Variants in LARP1 observed in about 807,000 individuals in gnomAD.
The protein encoded by LARP1 is la-related protein 1.
Under a neutral mutation model 122.7 loss-of-function variants are expected in LARP1, and 36 were observed. The observed-to-expected ratio is 0.29, with a 90% CI of 0.22 to 0.39. The LOEUF (loss-of-function observed/expected upper bound fraction) is 0.39. LARP1 is among the 10% of genes least tolerant of loss of function. The probability of loss-of-function intolerance (pLI) is 1.00; values close to 1 mark genes in which losing one functional copy is unlikely to be tolerated. For synonymous variants in LARP1, 539 were observed against 528.7 expected, an observed-to-expected ratio of 1.02 and a Z score of -0.27; for missense variants, 1,040 against 1,403.6, an observed-to-expected ratio of 0.74 and a Z score of 4.14.
At chr5:154,779,990 G>A (rs186098190) in intron 1 of LARP1, among the ~76,000 whole-genome samples, 2 of 152,238 alleles carry the variant, frequency 1.3e-5, no homozygotes, top group East Asian at 1.9e-4. Context: ...GGAGCCTGTA[G>A]GCCATCCTGA....
At chr5:154,758,744 A>G (rs1006161829) in intron 1 of LARP1, among the ~76,000 whole-genome samples, 1 of 152,232 alleles carries the variant, frequency 6.6e-6, no homozygotes, top group Admixed American at 6.5e-5. Context: ...CTTGCTGTAA[A>G]TGCCTATTTT....
At chr5:154,767,324 CT>C (rs1283106583) in intron 1 of LARP1, among the ~76,000 whole-genome samples, 1 of 152,204 alleles carries the variant, frequency 6.6e-6, no homozygotes, top group Non-Finnish European at 1.5e-5. Context: ...GAATGTTCTT[CT>C]TTTGAGGCCC....
chr5:154,706,625 G>T (rs1478031804), intron 1 of LARP1, among the ~76,000 whole-genome samples: 1 of 151,514 alleles, frequency 6.6e-6, no homozygotes, highest in Non-Finnish European at 1.5e-5. Flanking sequence ...TGTTACATGG[G>T]TGATTAAATA....
At chr5:154,703,314 C>T (rs903155267) in intron 1 of LARP1, among the ~76,000 whole-genome samples, 5 of 152,072 alleles carry the variant, frequency 3.3e-5, no homozygotes, top group Admixed American at 2.6e-4. Flanking sequence ...GGACCTTATG[C>T]CAGTTGCCTT....
chr5:154,786,881 C>CT lies in LARP1; in HGVS notation c.437-3430dup, dbSNP rs111759565. On this transcript the variant is annotated intron_variant, in intron 1 of 18. Coordinates refer to ENST00000518297, the MANE Select transcript of LARP1 (RefSeq NM_033551.3). ...GGTCCCTTCATTCTATGATTGTTTT[C>CT]TTTTTTTTTTTTTTGGGATGGAATT... Among the ~76,000 whole-genome samples the CT allele has an allele frequency of 2.0e-3, 280 of 141,556 alleles. 1 individual carries two copies. The highest frequency in any genetic ancestry group is 5.3e-3 in the East Asian group (26 of 4,886). 92.9% of individuals were successfully genotyped at this position (141,556 alleles called of 152,430 possible).
At chr5:154,727,514 G>A (rs1582218715) in intron 1 of LARP1, among the ~76,000 whole-genome samples, 2 of 152,236 alleles carry the variant, frequency 1.3e-5, no homozygotes, top group South Asian at 4.1e-4. Context: ...GAGAATTGGG[G>A]TGGTATTGGT....
upstream of LARP1, among the ~76,000 whole-genome samples, chr5:154,755,065 AGC>A (rs1422757877): frequency 5.9e-5 from 9 of 151,822 alleles, no homozygotes; most frequent in East Asian, 1.8e-3. Flanking sequence ...TATCCCCGTC[AGC>A]GCCCCCACCG....
intron 8 of LARP1, among the ~76,000 whole-genome samples, chr5:154,796,218 A>G (rs1303576764): frequency 7.2e-6 from 1 of 139,630 alleles, no homozygotes; most frequent in Non-Finnish European, 1.5e-5. Context: ...TGAGAATCAG[A>G]ATCCAAATAA....
At chr5:154,704,342 T>A (rs972108219) in intron 1 of LARP1, among the ~76,000 whole-genome samples, 1 of 151,990 alleles carries the variant, frequency 6.6e-6, no homozygotes. Context: ...AGGTGGTGAG[T>A]GCTGGTCAAA....
chr5:154,758,503 A>G (rs78878792), intron 1 of LARP1, among the ~76,000 whole-genome samples: 12,169 of 152,212 alleles, frequency 0.08, 546 homozygotes, highest in Admixed American at 0.15. Context: ...AGAGAATTCT[A>G]TGATTGGGTT....
intron 1 of LARP1, among the ~76,000 whole-genome samples, chr5:154,740,179 G>T: frequency 6.6e-6 from 1 of 151,458 alleles, no homozygotes; most frequent in Non-Finnish European, 1.5e-5. Flanking sequence ...ATCACCTGAG[G>T]TCAGGGGTTC....
chr5:154,767,961 A>G (rs1475438615), intron 1 of LARP1, among the ~76,000 whole-genome samples: 1 of 152,200 alleles, frequency 6.6e-6, no homozygotes, highest in Non-Finnish European at 1.5e-5. Flanking sequence ...CCTTCTATGA[A>G]GAAGGAATGG....
At chr5:154,765,278 A>G (rs1032890660) in intron 1 of LARP1, among the ~76,000 whole-genome samples, 1 of 152,178 alleles carries the variant, frequency 6.6e-6, no homozygotes, top group Non-Finnish European at 1.5e-5. Context: ...CCCGCAGATC[A>G]CTGTGGTGGA....
chr5:154,745,433 A>T (rs1319253902), intron 1 of LARP1, among the ~76,000 whole-genome samples: 1 of 152,168 alleles, frequency 6.6e-6, no homozygotes, highest in East Asian at 1.9e-4. Context: ...GCAAACATTT[A>T]TTCAGTACTC....
chr5:154,786,288 G>A (rs1451241086), intron 1 of LARP1, among the ~76,000 whole-genome samples: 1 of 152,018 alleles, frequency 6.6e-6, no homozygotes, highest in Non-Finnish European at 1.5e-5. Context: ...TAATCTGCCC[G>A]CCTCGGCCTC....
intron 1 of LARP1, chr5:154,718,554 C>T (rs1755656929): frequency 6.6e-6 from 1 of 152,196 alleles, no homozygotes; most frequent in Admixed American, 6.5e-5. Flanking sequence ...AGGGAGGTCA[C>T]CACATTGATG....
chr5:154,735,731 G>A (rs183352261), intron 1 of LARP1, among the ~76,000 whole-genome samples: 2,180 of 119,812 alleles, frequency 0.018, 32 homozygotes, highest in South Asian at 0.041. Flanking sequence ...ACCATGCCCA[G>A]CTAATTTTTT....
At chr5:154,767,578 G>A (rs1229218308) in intron 1 of LARP1, among the ~76,000 whole-genome samples, 1 of 152,198 alleles carries the variant, frequency 6.6e-6, no homozygotes, top group Non-Finnish European at 1.5e-5. Context: ...ACAGTGAGAA[G>A]CTCAAATTGT....
chr5:154,686,215 A>G (rs1753934674), intron 1 of LARP1, among the ~76,000 whole-genome samples: 1 of 152,184 alleles, frequency 6.6e-6, no homozygotes, highest in African/African-American at 2.4e-5. Flanking sequence ...TACTGAAACA[A>G]CTGTGGGCAT....
Sources: gnomAD v4.1 joint callset for allele counts (sites outside exome capture counted in the v4.1 genomes callset) on GRCh38, gnomAD v4.1.1 for gene constraint, MANE v1.5 for transcripts, NCBI Gene and HGNC (gene_info 2026-07-23, HGNC 2026-07-21) for gene names.